CLPX: variants seen among roughly 807,000 people sequenced by gnomAD.
The protein encoded by CLPX is caseinolytic mitochondrial matrix peptidase chaperone subunit X.
CLPX carries 34 observed loss-of-function variants against 76.4 expected under a neutral mutation model. The ratio of observed to expected loss-of-function variants is 0.45; its 90% CI spans 0.34 to 0.59. The LOEUF (loss-of-function observed/expected upper bound fraction) is 0.59, where lower values mean the gene tolerates loss of function less well. Ranked by LOEUF, CLPX falls within the 20% of genes least tolerant of loss-of-function variation. The probability of loss-of-function intolerance (pLI) is 0.01; values close to 1 mark genes in which losing one functional copy is unlikely to be tolerated. For missense variants in CLPX, 613 were observed against 757.0 expected (o/e 0.81, Z 2.23); for synonymous variants, 248 against 270.9 (o/e 0.92, Z 0.83).
chr15:65,180,126 G>C lies in CLPX; in HGVS notation c.158C>G (p.Pro53Arg), dbSNP rs1300587420. 14 of 1,611,982 alleles carry C rather than the reference G, an allele frequency of 8.7e-6. No individual in the cohort carries two copies. Among genetic ancestry groups the C allele is most frequent in the Non-Finnish European group, 1.0e-5 (12 of 1,178,776 alleles). The change falls in exon 2 of 14, where the codon CCT (proline) becomes CGT (arginine). Residue 53 changes from proline (P) to arginine (R), a missense_variant. Physicochemically the swap from Pro to Arg is moderately radical, Grantham distance 103. This residue lies in a region of CLPX where 163 missense variants were observed against 118.4 expected (regional missense o/e 1.38). Transcript: ENST00000300107. ...TFETQILQRA[P>R]LRSFTETPAY... The stretch of plus-strand genomic sequence containing the variant: ...TGGTGTTTCTGTAAAGGATCTAAGA[G>C]GAGCTCTTTGCAGAATCTGAGTTTC...
intron 3 of CLPX, among the ~76,000 whole-genome samples, chr15:65,170,770 C>T (rs1202658266): frequency 6.8e-6 from 1 of 147,266 alleles, no homozygotes; most frequent in Non-Finnish European, 1.5e-5. Flanking sequence ...GTCTCAAAAA[C>T]AAACAAAACC....
intron 3 of CLPX, among the ~76,000 whole-genome samples, chr15:65,175,625 TG>T (rs1204481190): frequency 2.1e-4 from 32 of 152,216 alleles, no homozygotes; most frequent in Admixed American, 1.3e-4. Flanking sequence ...AGAAATACAC[TG>T]GTTAAGCACC....
intron 4 of CLPX, among the ~76,000 whole-genome samples, chr15:65,164,996 T>G (rs1047145098): frequency 1.3e-5 from 2 of 152,080 alleles, no homozygotes; most frequent in African/African-American, 4.8e-5. Context: ...TGGGGTAAAT[T>G]TTTTAAGTTT....
chr15:65,158,027 C>G, intron 7 of CLPX, 117 bp from the exon 8 acceptor site: 1 of 780,442 alleles, frequency 1.3e-6, no homozygotes, highest in East Asian at 3.0e-5. Flanking sequence ...ATTGCTACAT[C>G]CTTCCTCTGC....
At chr15:65,160,656 C>A (rs926242208) in intron 6 of CLPX, among the ~76,000 whole-genome samples, 3 of 149,752 alleles carry the variant, frequency 2.0e-5, no homozygotes, top group Admixed American at 6.7e-5. Flanking sequence ...CACACACACA[C>A]ACGATTTAGA....
intron 4 of CLPX, 28 bp from the exon 5 acceptor site, chr15:65,164,216 T>C: frequency 6.4e-7 from 1 of 1,555,800 alleles, no homozygotes; most frequent in South Asian, 1.2e-5. Flanking sequence ...ATGAATAATT[T>C]AATATGAGCT....
intron 1 of CLPX, among the ~76,000 whole-genome samples, chr15:65,184,799 A>C (rs960927766): frequency 2.0e-5 from 3 of 152,360 alleles, no homozygotes; most frequent in East Asian, 1.9e-4. Context: ...GGGTTTCTAC[A>C]AAGTGGCCGC....
At chr15:65,161,598 T>C (rs886372439) in intron 6 of CLPX, among the ~76,000 whole-genome samples, 2 of 152,222 alleles carry the variant, frequency 1.3e-5, no homozygotes, top group African/African-American at 4.8e-5. Context: ...TTTCAAAATA[T>C]GCACTACAGA....
At chr15:65,154,583 T>G in intron 11 of CLPX, 199 bp downstream of exon 11, 1 of 541,032 alleles carries the variant, frequency 1.8e-6, no homozygotes, top group South Asian at 2.6e-5. Flanking sequence ...ATGATGGTTT[T>G]AATTCAGAAA....
At chr15:65,161,079 A>G (rs572823695) in intron 6 of CLPX, among the ~76,000 whole-genome samples, 1 of 152,358 alleles carries the variant, frequency 6.6e-6, no homozygotes, top group South Asian at 2.1e-4. Flanking sequence ...AATATATGCA[A>G]AACACTTAGA....
At position 65,157,919 on chromosome 15, in the gene CLPX, A is replaced by G; in HGVS notation, c.893-9T>C. On this transcript the variant is annotated splice_polypyrimidine_tract_variant and intron_variant, in intron 7 of 13. Coordinates refer to ENST00000300107, the MANE Select transcript of CLPX (RefSeq NM_006660.5). Reference sequence around the variant, plus strand: ...TGCCAGCAGAGTTTTACCTACAAATAGAAACAGTCACTAAAAGTTTACTGA... The same window carrying G: ...TGCCAGCAGAGTTTTACCTACAAATGGAAACAGTCACTAAAAGTTTACTGA... 1 of 1,562,838 alleles carries G rather than the reference A, an allele frequency of 6.4e-7. No individual in the cohort carries two copies. The highest frequency in any genetic ancestry group is 8.6e-7 in the Non-Finnish European group (1 of 1,158,104).
chr15:65,179,106 C>G (rs2088129021), intron 2 of CLPX, 55 bp from the exon 3 acceptor site: 1 of 988,758 alleles, frequency 1.0e-6, no homozygotes. Context: ...TTTCAGGCAA[C>G]CAACTTAAAT....
chr15:65,171,428 T>C (rs1431516698), intron 3 of CLPX, among the ~76,000 whole-genome samples: 2 of 149,392 alleles, frequency 1.3e-5, no homozygotes, highest in African/African-American at 4.9e-5. Context: ...GCCTGGGCAA[T>C]AGAGCGAGAC....
intron 13 of CLPX, among the ~76,000 whole-genome samples, 171 bp downstream of exon 13, chr15:65,152,259 C>T (rs919415710): frequency 6.6e-6 from 1 of 151,976 alleles, no homozygotes; most frequent in South Asian, 2.1e-4. Flanking sequence ...TCACAAAATA[C>T]TATTATTTTA....
In CLPX at chr15:65,162,658, A is replaced by T; in HGVS notation, c.674-13T>A. The stretch of plus-strand genomic sequence containing the variant: ...CTTATTTCTAACTCTAAGAAAGAGG[A>T]TGAAAATATTACATATTTGTTTACC... On this transcript the variant is annotated splice_polypyrimidine_tract_variant and intron_variant, in intron 5 of 13. Coordinates refer to ENST00000300107, the MANE Select transcript of CLPX (RefSeq NM_006660.5). 1 of 1,520,468 alleles carries T rather than the reference A, an allele frequency of 6.6e-7. No homozygotes were observed. The highest frequency in any genetic ancestry group is 1.1e-5 in the South Asian group (1 of 87,264). The allele number at this position is 1,520,468 out of a possible 1,614,324, so 94.2% of individuals were successfully genotyped here. A position where few individuals can be genotyped will look rare whatever the true frequency, so the allele number is the denominator to read the frequency against.
intron 12 of CLPX, among the ~76,000 whole-genome samples, 168 bp from the exon 13 acceptor site, chr15:65,152,704 T>G (rs2087738340): frequency 6.7e-6 from 1 of 148,970 alleles, no homozygotes; most frequent in Non-Finnish European, 1.5e-5. Flanking sequence ...TAAACATATA[T>G]ATATATATAT....
At chr15:65,151,113 G>A (rs766148937) in intron 13 of CLPX, among the ~76,000 whole-genome samples, 200 bp from the exon 14 acceptor site, 2 of 152,056 alleles carry the variant, frequency 1.3e-5, no homozygotes, top group African/African-American at 2.4e-5. Flanking sequence ...GGAAGGCCGA[G>A]GAGGGCTGAT....
chr15:65,156,586 A>G lies in CLPX; in HGVS notation c.1146+258T>C, dbSNP rs1021269330. On this transcript the variant is annotated intron_variant, in intron 9 of 13. Transcript: ENST00000300107. ...CTAGAAATGTTTAACTGGGCCTTTG[A>G]GGAATAAAAAAAAAAGATTAAATTT... 6 of 415,498 alleles carry G rather than the reference A, an allele frequency of 1.4e-5. No individual in the cohort carries two copies. The South Asian group carries it at 2.4e-4, about 16-fold the overall frequency. 25.7% of individuals were successfully genotyped at this position (415,498 alleles called of 1,614,324 possible).
chr15:65,166,594 G>T (rs769462434), intron 4 of CLPX, 37 bp downstream of exon 4: 12 of 1,602,722 alleles, frequency 7.5e-6, no homozygotes, highest in Non-Finnish European at 8.5e-6. Context: ...ATGTTTTCAA[G>T]ATAAAATACT....
Sources: gnomAD v4.1 joint callset for allele counts (sites outside exome capture counted in the v4.1 genomes callset) on GRCh38, gnomAD v4.1.1 for gene constraint, gnomAD v4.1.1 regional missense constraint, MANE v1.5 for transcripts, NCBI Gene and HGNC (gene_info 2026-07-23, HGNC 2026-07-21) for gene names.